KIAA1614: variants seen among roughly 807,000 people sequenced by gnomAD.
The protein encoded by KIAA1614 is uncharacterized protein KIAA1614.
Under a neutral mutation model 88.7 loss-of-function variants are expected in KIAA1614, and 76 were observed. That is an observed-to-expected ratio of 0.86 (90% CI 0.71 to 1.04). The LOEUF (loss-of-function observed/expected upper bound fraction) is 1.04, where lower values mean the gene tolerates loss of function less well. Among genes scored for constraint, KIAA1614 ranks in the 50% least tolerant of loss-of-function variants. The pLI, the probability that KIAA1614 is intolerant of heterozygous loss-of-function variation, is 0.00. For synonymous variants in KIAA1614, 714 were observed against 675.5 expected (o/e 1.06, Z -0.88); for missense variants, 1,553 against 1,582.5 (o/e 0.98, Z 0.32).
At chr1:180,931,893 C>T (rs1189897015) in intron 4 of KIAA1614, among the ~76,000 whole-genome samples, 1 of 152,142 alleles carries the variant, frequency 6.6e-6, no homozygotes, top group Non-Finnish European at 1.5e-5. Context: ...TTGTGTGAAG[C>T]TGTGTGCAGA....
At position 180,913,300 on chromosome 1, in the gene KIAA1614, A is replaced by C; in HGVS notation, c.50+7A>C. Reference sequence around the variant, plus strand: ...CCGCGGGCGGCAGCCCCCAGTGAGTATAGAGGAGGCAGCGCCGGGCCGGCC... The same window carrying C: ...CCGCGGGCGGCAGCCCCCAGTGAGTCTAGAGGAGGCAGCGCCGGGCCGGCC... On this transcript the variant is annotated splice_region_variant and intron_variant, in intron 1 of 8. Coordinates refer to ENST00000367588, the MANE Select transcript of KIAA1614 (RefSeq NM_020950.2). 1 of 1,247,848 alleles carries C rather than the reference A, an allele frequency of 8.0e-7. No individual in the cohort carries two copies. Among genetic ancestry groups the C allele is most frequent in the Non-Finnish European group, 1.0e-6 (1 of 989,424 alleles). The allele number at this position is 1,247,848 out of a possible 1,614,324, so 77.3% of individuals were successfully genotyped here.
At chr1:180,941,324 AGC>A (rs1271896777) in intron 7 of KIAA1614, 39 bp downstream of exon 7, 2 of 1,573,454 alleles carry the variant, frequency 1.3e-6, no homozygotes, top group Non-Finnish European at 1.7e-6. Context: ...TGAAGCCAGT[AGC>A]GGTGCAACCA....
intron 3 of KIAA1614, among the ~76,000 whole-genome samples, chr1:180,919,390 C>CATT (rs1483900814): frequency 6.6e-6 from 1 of 152,224 alleles, no homozygotes; most frequent in Non-Finnish European, 1.5e-5. Flanking sequence ...CTGGCCCTGC[C>CATT]ACAGTGTTGA....
chr1:180,936,915 G>C (rs1260377111), intron 5 of KIAA1614, among the ~76,000 whole-genome samples: 1 of 152,174 alleles, frequency 6.6e-6, no homozygotes, highest in African/African-American at 2.4e-5. Context: ...TCCCTCCCGG[G>C]GGAGGCAGAA....
At chr1:180,916,080 C>T (rs1358091737) in intron 1 of KIAA1614, 74 bp from the exon 2 acceptor site, 2 of 1,235,042 alleles carry the variant, frequency 1.6e-6, no homozygotes, top group Non-Finnish European at 2.2e-6. Flanking sequence ...CGCCAAGACA[C>T]TTTGGGGCCC....
chr1:180,927,418 G>A (rs946276251), intron 3 of KIAA1614, among the ~76,000 whole-genome samples: 2 of 152,240 alleles, frequency 1.3e-5, no homozygotes, highest in African/African-American at 4.8e-5. Flanking sequence ...TGGAGACAGT[G>A]GGCTGGCTGT....
chr1:180,941,389 G>A, intron 7 of KIAA1614, 104 bp downstream of exon 7: 2 of 1,373,354 alleles, frequency 1.5e-6, no homozygotes, highest in Non-Finnish European at 2.0e-6. Flanking sequence ...TGCCTCCCAA[G>A]GAGCCCACAG....
chr1:180,936,358 A>T lies in KIAA1614; in HGVS notation c.2449A>T (p.Thr817Ser). The part of the protein sequence containing the change: ...APTPPPSRKT[T>S]SPVSHRKAAL... ...AACCCCTCCCCCTTCGAGGAAAACC[A>T]CCTCGCCAGTGTCTCACAGGAAGGC... Residue 817 changes from threonine to serine, a missense_variant, in exon 5 of 9, where the codon ACC becomes TCC. By Grantham distance (58) the Thr-to-Ser change is moderately conservative (BLOSUM62 1). Transcript: ENST00000367588. 6.2e-7 allele frequency: 1 copy of T among 1,613,944 alleles called. No individual in the cohort carries two copies. Among genetic ancestry groups the T allele is most frequent in the Non-Finnish European group, 8.5e-7 (1 of 1,179,966 alleles).
At chr1:180,924,303 G>A (rs1004040231) in intron 3 of KIAA1614, among the ~76,000 whole-genome samples, 7 of 152,190 alleles carry the variant, frequency 4.6e-5, no homozygotes, top group African/African-American at 1.4e-4. Flanking sequence ...GTCCCCCATC[G>A]GAGGGCATCT....
At chr1:180,941,314 T>C in intron 7 of KIAA1614, 29 bp downstream of exon 7, 1 of 1,583,930 alleles carries the variant, frequency 6.3e-7, no homozygotes, top group Non-Finnish European at 8.6e-7. Flanking sequence ...GCCCAGGGAG[T>C]GAAGCCAGTA....
rs778515284 is a variant in KIAA1614 at position 180,916,765 on chromosome 1, C to T, written c.662C>T (p.Pro221Leu). ...ATCCATGGAGTTACTCCCGGACGGCCTGGGGGTCCTGGTCATTGTAACAAA... is the reference window on the plus strand; with the variant it reads ...ATCCATGGAGTTACTCCCGGACGGCTTGGGGGTCCTGGTCATTGTAACAAA... ...SPIHGVTPGR[P>L]GGPGHCNKII... Residue 221 changes from proline to leucine, a missense_variant, in exon 2 of 9, where the codon CCT becomes CTT. Pro to Leu is a moderately conservative substitution (Grantham distance 98). Coordinates refer to ENST00000367588, the MANE Select transcript of KIAA1614 (RefSeq NM_020950.2). 7.4e-6 allele frequency: 12 copies of T among 1,614,226 alleles called. No homozygotes were observed. Among genetic ancestry groups the T allele is most frequent in the South Asian group, 1.1e-5 (1 of 91,088 alleles).
chr1:180,944,698 A>G (rs1654548817), intron 8 of KIAA1614, 182 bp downstream of exon 8: 4 of 582,388 alleles, frequency 6.9e-6, no homozygotes, highest in Non-Finnish European at 1.1e-5. Context: ...AGTGCCCTGC[A>G]TGGACCCTCG....
In KIAA1614 at chr1:180,916,573, A is replaced by G. The variant is rs575758892; in HGVS notation, c.470A>G (p.Asn157Ser). ...GATGGGCAGCTGGACGGCAGCATCA[A>G]TGAGGAGCAACCCGCCAGGGATGGA... ...LPDGQLDGSI[N>S]EEQPARDGGP... The change falls in exon 2 of 9, where the codon AAT (asparagine) becomes AGT (serine). Residue 157 changes from asparagine (N) to serine (S), a missense_variant. By Grantham distance (46) the Asn-to-Ser change is conservative. Transcript: ENST00000367588. 26 of 1,610,246 alleles carry G rather than the reference A, an allele frequency of 1.6e-5. No homozygotes were observed. Among genetic ancestry groups the G allele is most frequent in the Non-Finnish European group, 2.0e-5 (23 of 1,177,744 alleles).
chr1:180,931,387 G>A lies in KIAA1614; in HGVS notation c.1205+2814G>A, dbSNP rs1388781277. Among the ~76,000 whole-genome samples the A allele has an allele frequency of 1.1e-4, 16 of 152,212 alleles. No homozygotes were observed. In the East Asian group the frequency reaches 2.1e-3, roughly 20 times the overall value. ...CAATGCTATGGAAAGTGGGACTCTG[G>A]AAAGGGGTCCCTGTGAAGCCATATG... On this transcript the variant is annotated intron_variant, in intron 4 of 8. Transcript: ENST00000367588.
At chr1:180,922,719 T>G (rs1653983504) in intron 3 of KIAA1614, among the ~76,000 whole-genome samples, 1 of 152,194 alleles carries the variant, frequency 6.6e-6, no homozygotes, top group Admixed American at 6.5e-5. Flanking sequence ...GCACTTCACC[T>G]CAAGCCACCA....
In KIAA1614 at chr1:180,950,640, C is replaced by T. The variant is rs78918286; in HGVS notation, c.*5052C>T. On this transcript the variant is annotated 3_prime_UTR_variant, in exon 9 of 9. Coordinates refer to ENST00000367588, the MANE Select transcript of KIAA1614 (RefSeq NM_020950.2). ...GAGCTGCTCTGTGGCGGAAACAGAT[C>T]CTGGCAGCATCTAACCCCTTGGGCT... The T allele has an allele frequency of 1.1e-5, 6 of 526,612 alleles. No individual in the cohort carries two copies. Among genetic ancestry groups the T allele is most frequent in the African/African-American group, 1.0e-4 (5 of 48,252 alleles). The allele number at this position is 526,612 out of a possible 1,614,324, so 32.6% of individuals were successfully genotyped here.
In KIAA1614 at chr1:180,947,965, C is replaced by CGGGGGGGGA. The variant is rs1654633776; in HGVS notation, c.*2377_*2378insGGGGGGGGA. ...ACAACAGGTCATTGTACTCTGCCGC[C>CGGGGGGGGA]CACCCTCCCCCAGAGTCCCTTTTTG... On this transcript the variant is annotated 3_prime_UTR_variant, in exon 9 of 9. Coordinates refer to ENST00000367588, the MANE Select transcript of KIAA1614 (RefSeq NM_020950.2). 1 of 152,304 alleles carries CGGGGGGGGA rather than the reference C, an allele frequency of 6.6e-6. No homozygotes were observed. The highest frequency in any genetic ancestry group is 2.4e-5 in the African/African-American group (1 of 41,446). 9.4% of individuals were successfully genotyped at this position (152,304 alleles called of 1,614,324 possible).
In KIAA1614 at chr1:180,945,861, T is replaced by G. The variant is rs1046629014; in HGVS notation, c.*273T>G. ...GGCTCATGCCTGTAATCCCAGAACT[T>G]TGGGAGGCCGAGGCGCCTGGATCAC... On this transcript the variant is annotated 3_prime_UTR_variant, in exon 9 of 9. Coordinates refer to ENST00000367588, the MANE Select transcript of KIAA1614 (RefSeq NM_020950.2). 4 of 1,168,314 alleles carry G rather than the reference T, an allele frequency of 3.4e-6. No homozygotes were observed. Among genetic ancestry groups the G allele is most frequent in the Non-Finnish European group, 3.2e-6 (3 of 942,692 alleles). The allele number at this position is 1,168,314 out of a possible 1,614,324, so 72.4% of individuals were successfully genotyped here. A position where few individuals can be genotyped will look rare whatever the true frequency, so the allele number is the denominator to read the frequency against.
At chr1:180,943,830 G>GA (rs1401324085) in intron 7 of KIAA1614, among the ~76,000 whole-genome samples, 1 of 152,126 alleles carries the variant, frequency 6.6e-6, no homozygotes, top group Non-Finnish European at 1.5e-5. Context: ...TTACAGGCAT[G>GA]AGCCACTGCA....
Sources: gnomAD v4.1 joint callset for allele counts (sites outside exome capture counted in the v4.1 genomes callset) on GRCh38, gnomAD v4.1.1 for gene constraint, MANE v1.5 for transcripts, NCBI Gene and HGNC (gene_info 2026-07-23, HGNC 2026-07-21) for gene names.